SOX5: variants seen among roughly 807,000 people sequenced by gnomAD.
SOX5 encodes transcription factor SOX-5.
Under a neutral mutation model 92.0 loss-of-function variants are expected in SOX5, and 9 were observed. The observed-to-expected ratio is 0.10, with a 90% CI of 0.06 to 0.17. The LOEUF is 0.17. Among genes scored for constraint, SOX5 ranks in the 10% least tolerant of loss-of-function variants. The probability of loss-of-function intolerance (pLI) is 1.00; values close to 1 mark genes in which losing one functional copy is unlikely to be tolerated. For missense variants in SOX5, 642 were observed against 944.5 expected, an observed-to-expected ratio of 0.68 and a Z score of 4.20; for synonymous variants, 344 against 336.3, an observed-to-expected ratio of 1.02 and a Z score of -0.25.
At chr12:24,196,673 G>A (rs1462723570) in intron 4 of SOX5, among the ~76,000 whole-genome samples, 1 of 152,168 alleles carries the variant, frequency 6.6e-6, no homozygotes, top group African/African-American at 2.4e-5. Context: ...GGAGGCCAAT[G>A]AGGGCTGTTC....
intron 3 of SOX5, among the ~76,000 whole-genome samples, chr12:24,229,770 C>T (rs979729644): frequency 2.0e-5 from 3 of 152,216 alleles, no homozygotes; most frequent in East Asian, 1.9e-4. Context: ...GGTTGTGACC[C>T]GGCTAATAGG....
intron 4 of SOX5, among the ~76,000 whole-genome samples, chr12:24,130,529 A>G (rs996938276): frequency 1.3e-5 from 2 of 152,186 alleles, no homozygotes; most frequent in Admixed American, 6.5e-5. Context: ...TTTCATTTCA[A>G]TGAATGAAGT....
intron 3 of SOX5, among the ~76,000 whole-genome samples, chr12:24,215,439 G>A (rs1298416957): frequency 3.3e-5 from 5 of 152,002 alleles, no homozygotes; most frequent in South Asian, 2.1e-4. Flanking sequence ...AAAATCAATT[G>A]TATTTCTACA....
chr12:23,687,225 G>C (rs898266671), intron 6 of SOX5, among the ~76,000 whole-genome samples: 1 of 151,908 alleles, frequency 6.6e-6, no homozygotes, highest in Non-Finnish European at 1.5e-5. Context: ...GTATTTTCAA[G>C]GCAGAATTTT....
At chr12:23,865,352 A>G (rs2096799254) in intron 2 of SOX5, among the ~76,000 whole-genome samples, 1 of 152,232 alleles carries the variant, frequency 6.6e-6, no homozygotes, top group Non-Finnish European at 1.5e-5. Context: ...TCAGGAAGTC[A>G]TTTTGACTTT....
intron 2 of SOX5, among the ~76,000 whole-genome samples, chr12:24,320,202 C>T (rs1819268492): frequency 6.6e-6 from 1 of 152,198 alleles, no homozygotes; most frequent in Non-Finnish European, 1.5e-5. Context: ...GCAAGGAATC[C>T]ATTTAGGTTG....
At chr12:24,472,353 T>C (rs138820902) in intron 1 of SOX5, among the ~76,000 whole-genome samples, 1 of 152,342 alleles carries the variant, frequency 6.6e-6, no homozygotes, top group Non-Finnish European at 1.5e-5. Flanking sequence ...AAGGGGATTG[T>C]ACCTCAGTGT....
intron 3 of SOX5, among the ~76,000 whole-genome samples, chr12:24,232,149 G>C (rs1165838061): frequency 1.3e-5 from 2 of 151,870 alleles, no homozygotes; most frequent in African/African-American, 4.8e-5. Flanking sequence ...CTTGTGAGCA[G>C]GCTTACAATA....
intron 1 of SOX5, among the ~76,000 whole-genome samples, chr12:24,513,911 C>A (rs889787234): frequency 1.3e-5 from 2 of 152,152 alleles, no homozygotes; most frequent in African/African-American, 4.8e-5. Flanking sequence ...ACAAGGTAAT[C>A]CTTTCCACTG....
At chr12:23,690,288 T>C (rs555587494) in intron 6 of SOX5, among the ~76,000 whole-genome samples, 16 of 152,352 alleles carry the variant, frequency 1.1e-4, no homozygotes, top group Non-Finnish European at 2.2e-4. Context: ...TCTTTGGCTA[T>C]ATGCCAGAAA....
intron 4 of SOX5, among the ~76,000 whole-genome samples, chr12:24,139,658 A>G (rs895445439): frequency 6.6e-6 from 1 of 152,206 alleles, no homozygotes. Flanking sequence ...ATTTTTAAAG[A>G]CACACACTGC....
chr12:24,240,112 T>C (rs76747422), intron 3 of SOX5, among the ~76,000 whole-genome samples: 18,308 of 152,220 alleles, frequency 0.12, 1,513 homozygotes, highest in Non-Finnish European at 0.17. Flanking sequence ...AAATAAAAAC[T>C]ACAAGTAGTG....
Position 24,107,700 on chromosome 12 carries a change from G to A in SOX5, c.-2+105643C>T, listed in dbSNP as rs559478302. Among the ~76,000 whole-genome samples the A allele has an allele frequency of 1.5e-3, 231 of 152,258 alleles. 1 individual carries two copies. The highest frequency in any genetic ancestry group is 0.01 in the Middle Eastern group (3 of 294). On this transcript the variant is annotated intron_variant, in intron 4 of 4. Coordinates refer to the SOX5 transcript ENST00000446891. The stretch of plus-strand genomic sequence containing the variant: ...AAGAGGATGAAGACCTTGATATGAC[G>A]AAAGGACAAAGCTAAGATTACAGGG...
chr12:23,973,371 G>A (rs1489843099), intron 4 of SOX5, among the ~76,000 whole-genome samples: 1 of 151,930 alleles, frequency 6.6e-6, no homozygotes, highest in East Asian at 1.9e-4. Flanking sequence ...ATGCCGGTCA[G>A]GCTGGTCTCG....
intron 1 of SOX5, among the ~76,000 whole-genome samples, chr12:24,536,694 C>G (rs1028320210): frequency 2.6e-5 from 4 of 152,162 alleles, no homozygotes; most frequent in Non-Finnish European, 5.9e-5. Context: ...AATCCTAGCA[C>G]CAGTTCTTGA....
chr12:24,162,110 G>T (rs1952825556), intron 4 of SOX5, among the ~76,000 whole-genome samples: 1 of 151,970 alleles, frequency 6.6e-6, no homozygotes, highest in South Asian at 2.1e-4. Context: ...AGCCTGGATT[G>T]GTCACTGAAT....
At chr12:24,118,020 A>G (rs954410237) in intron 4 of SOX5, among the ~76,000 whole-genome samples, 1 of 143,604 alleles carries the variant, frequency 7.0e-6, no homozygotes, top group Non-Finnish European at 1.5e-5. Flanking sequence ...CTCTCATTCA[A>G]AAAAAAAAAA....
Position 24,047,916 on chromosome 12 carries a change from A to C in SOX5, c.-1-151892T>G, listed in dbSNP as rs571162162. Reference sequence around the variant, plus strand: ...AATGTTTTCTGGTTGTTAAATTCTAAATAAATTCTTGAAGAGTAAACGTTA... The same window carrying C: ...AATGTTTTCTGGTTGTTAAATTCTACATAAATTCTTGAAGAGTAAACGTTA... On this transcript the variant is annotated intron_variant, in intron 4 of 4. Coordinates refer to the SOX5 transcript ENST00000446891. 5.3e-5 allele frequency among the ~76,000 whole-genome samples: 8 copies of C among 152,296 alleles called. No homozygotes were observed. The East Asian group carries it at 1.5e-3, about 29-fold the overall frequency.
chr12:23,824,843 G>A (rs2096198365), intron 3 of SOX5, among the ~76,000 whole-genome samples: 1 of 152,180 alleles, frequency 6.6e-6, no homozygotes, highest in South Asian at 2.1e-4. Context: ...GAGCTGTGGT[G>A]GGCTCTGCCC....
Sources: allele counts gnomAD v4.1 joint callset (sites outside exome capture counted in the v4.1 genomes callset), GRCh38; gene constraint gnomAD v4.1.1; transcripts MANE v1.5; gene names NCBI Gene and HGNC (gene_info 2026-07-23, HGNC 2026-07-21).